PSD3: variants seen among roughly 807,000 people sequenced by gnomAD.
PSD3 encodes the protein pleckstrin and Sec7 domain containing 3, also known as PH and SEC7 domain-containing protein 3.
Under a neutral mutation model 105.5 loss-of-function variants are expected in PSD3, and 49 were observed. The ratio of observed to expected loss-of-function variants is 0.46; its 90% confidence interval spans 0.37 to 0.59. PSD3 has a LOEUF of 0.59. Ranked by LOEUF, PSD3 falls within the 20% of genes least tolerant of loss-of-function variation. The pLI is 0.00. For missense variants in PSD3, 1,561 were observed against 1,263.8 expected (o/e 1.24, Z -3.57); for synonymous variants, 557 against 457.8 (o/e 1.22, Z -2.77).
intron 1 of PSD3, among the ~76,000 whole-genome samples, chr8:19,073,491 C>T (rs1829339368): frequency 7.8e-6 from 1 of 128,864 alleles, no homozygotes; most frequent in African/African-American, 3.0e-5. Context: ...GTGGAGGTTG[C>T]AGTGAGCCGA....
At chr8:18,741,630 C>T (rs985625880) in intron 9 of PSD3, among the ~76,000 whole-genome samples, 3 of 152,068 alleles carry the variant, frequency 2.0e-5, no homozygotes, top group African/African-American at 7.2e-5. Context: ...CTACATATGT[C>T]GGCACCTTTG....
intron 4 of PSD3, among the ~76,000 whole-genome samples, chr8:18,846,567 G>A (rs749815751): frequency 7.2e-5 from 11 of 152,100 alleles, no homozygotes; most frequent in Non-Finnish European, 1.3e-4. Flanking sequence ...AGAGGGTCAC[G>A]GACTGCTGAC....
chr8:19,020,023 T>C (rs1308062105), intron 1 of PSD3, among the ~76,000 whole-genome samples: 1 of 152,192 alleles, frequency 6.6e-6, no homozygotes, highest in Non-Finnish European at 1.5e-5. Context: ...AGGTTAAGTC[T>C]CTATAATAAA....
At chr8:18,622,777 C>T (rs939780138) in intron 11 of PSD3, among the ~76,000 whole-genome samples, 1 of 152,132 alleles carries the variant, frequency 6.6e-6, no homozygotes. Context: ...CCAGTACAGG[C>T]AGCATCTTCT....
intron 1 of PSD3, among the ~76,000 whole-genome samples, chr8:18,973,512 A>T (rs1824765725): frequency 1.3e-5 from 2 of 152,118 alleles, no homozygotes; most frequent in South Asian, 4.1e-4. Context: ...TTCTTGGAAG[A>T]ACACCAGTCC....
chr8:18,823,341 GATAAA>G (rs1362271927), intron 4 of PSD3, among the ~76,000 whole-genome samples: 1 of 152,126 alleles, frequency 6.6e-6, no homozygotes, highest in Non-Finnish European at 1.5e-5. Flanking sequence ...AACTAGGGCT[GATAAA>G]ATAAAAACTA....
At chr8:18,603,033 A>T (rs576118376) in intron 11 of PSD3, among the ~76,000 whole-genome samples, 1 of 152,370 alleles carries the variant, frequency 6.6e-6, no homozygotes, top group African/African-American at 2.4e-5. Context: ...GCAGCAACTG[A>T]CAGGCTTTAA....
rs1010172574 is a variant in PSD3, at chr8:18,528,715, C to T, written c.*7028G>A. On this transcript the variant is annotated 3_prime_UTR_variant, in exon 16 of 16. Transcript: ENST00000327040. ...CTTAATCGAGCCTTGGGCTGGGACT[C>T]TTCTAGGAGCGCCTGAAGACTTATT... 3 of 152,590 alleles carry T rather than the reference C, an allele frequency of 2.0e-5. No individual in the cohort carries two copies. The highest frequency in any genetic ancestry group is 4.4e-5 in the Non-Finnish European group (3 of 68,060). 9.5% of individuals were successfully genotyped at this position (152,590 alleles called of 1,614,324 possible).
chr8:19,063,958 A>G (rs1239909563), intron 1 of PSD3, among the ~76,000 whole-genome samples: 1 of 152,088 alleles, frequency 6.6e-6, no homozygotes, highest in African/African-American at 2.4e-5. Flanking sequence ...CCTGACCAAC[A>G]TGGTGAAACC....
At chr8:18,803,871 A>G (rs1168909112) in intron 6 of PSD3, among the ~76,000 whole-genome samples, 1 of 152,066 alleles carries the variant, frequency 6.6e-6, no homozygotes, top group Non-Finnish European at 1.5e-5. Context: ...ACGGCTGGAC[A>G]ACATTATGAA....
chr8:19,079,914 G>C (rs1829587085), intron 1 of PSD3, among the ~76,000 whole-genome samples: 1 of 137,296 alleles, frequency 7.3e-6, no homozygotes, highest in Admixed American at 8.1e-5. Context: ...TTTTGAGACA[G>C]AGTCTAGCTC....
chr8:18,781,266 C>T (rs1484249354), intron 8 of PSD3, among the ~76,000 whole-genome samples: 1 of 152,114 alleles, frequency 6.6e-6, no homozygotes, highest in Non-Finnish European at 1.5e-5. Flanking sequence ...ATTGTACTTG[C>T]TATAATCAAT....
intron 10 of PSD3, 119 bp from the exon 11 acceptor site, chr8:18,632,925 C>T (rs1807006059): frequency 2.6e-6 from 2 of 759,660 alleles, no homozygotes; most frequent in Non-Finnish European, 4.1e-6. Flanking sequence ...TTATAACCAC[C>T]ACCATGATAA....
intron 9 of PSD3, among the ~76,000 whole-genome samples, chr8:18,660,470 G>C (rs1032027479): frequency 2.0e-5 from 3 of 152,180 alleles, no homozygotes; most frequent in African/African-American, 4.8e-5. Flanking sequence ...TAGCGTACTA[G>C]AGAATAGCAG....
intron 13 of PSD3, among the ~76,000 whole-genome samples, chr8:18,574,538 C>T (rs1410977003): frequency 6.6e-6 from 1 of 152,154 alleles, no homozygotes; most frequent in African/African-American, 2.4e-5. Flanking sequence ...GCAATTCATC[C>T]CATTTCCTTG....
At position 18,871,989 on chromosome 8, in the gene PSD3, C is replaced by T. The variant is rs763532028; in HGVS notation, c.875G>A (p.Arg292His). The change falls in exon 3 of 16, where the codon CGC (arginine) becomes CAC (histidine). Residue 292 changes from arginine (R) to histidine (H), a missense_variant. By Grantham distance (29) the Arg-to-His change is conservative. Transcript: ENST00000327040. ...GGCDRSSSMG[R>H]PGRVKHVEFQ... Reference sequence around the variant, plus strand: ...TTCCACATGTTTGACCCGGCCTGGGCGTCCCATGGAGCTGCTTCGATCACA... The same window carrying T: ...TTCCACATGTTTGACCCGGCCTGGGTGTCCCATGGAGCTGCTTCGATCACA... The T allele has an allele frequency of 1.4e-5, 22 of 1,614,008 alleles. No homozygotes were observed. The highest frequency in any genetic ancestry group is 1.2e-4 in the South Asian group (11 of 91,082).
chr8:18,769,505 G>T (rs975474646), intron 8 of PSD3, among the ~76,000 whole-genome samples: 2 of 152,126 alleles, frequency 1.3e-5, no homozygotes, highest in African/African-American at 4.8e-5. Context: ...ACAATTCACA[G>T]TATATTCTTT....
intron 2 of PSD3, among the ~76,000 whole-genome samples, chr8:18,894,366 C>G (rs1166827905): frequency 2.6e-5 from 4 of 152,154 alleles, no homozygotes; most frequent in African/African-American, 7.2e-5. Context: ...ATATAAGGCT[C>G]TACATCAATA....
At chr8:18,770,099 C>T (rs1326304161) in intron 8 of PSD3, among the ~76,000 whole-genome samples, 2 of 152,170 alleles carry the variant, frequency 1.3e-5, no homozygotes, top group Non-Finnish European at 1.5e-5. Flanking sequence ...CCACAAGCAG[C>T]GAATGAGGGT....
Sources: allele counts gnomAD v4.1 joint callset (sites outside exome capture counted in the v4.1 genomes callset), GRCh38; gene constraint gnomAD v4.1.1; transcripts MANE v1.5; gene names NCBI Gene and HGNC (gene_info 2026-07-23, HGNC 2026-07-21).